TRIM28: variants seen among roughly 807,000 people sequenced by gnomAD.
TRIM28 encodes tripartite motif containing 28.
TRIM28 carries 8 observed loss-of-function variants against 87.4 expected under a neutral mutation model. The ratio of observed to expected loss-of-function variants is 0.09; its 90% CI spans 0.05 to 0.17. TRIM28 has a LOEUF of 0.17. Ranked by LOEUF, TRIM28 falls within the 10% of genes least tolerant of loss-of-function variation. TRIM28 has a pLI of 1.00. For missense variants in TRIM28, 968 were observed against 1,131.8 expected (o/e 0.86, Z 2.08); for synonymous variants, 601 against 454.3 (o/e 1.32, Z -4.11).
At position 58,550,068 on chromosome 19, in the gene TRIM28, G is replaced by C. The variant is rs772274576; in HGVS notation, c.2193+33G>C. The C allele has an allele frequency of 1.9e-5, 31 of 1,613,644 alleles. No individual in the cohort carries two copies. The South Asian group carries it at 2.2e-4, about 11-fold the overall frequency. On this transcript the variant is annotated intron_variant, in intron 15 of 16. Transcript: ENST00000253024. ...CTAGGATGGGAAAGGGGAAGGGGGTGGTGGCTGCTGGGTCTCGCCCTCAAC... is the reference window on the plus strand; with the variant it reads ...CTAGGATGGGAAAGGGGAAGGGGGTCGTGGCTGCTGGGTCTCGCCCTCAAC...
In TRIM28 at chr19:58,545,197, G is replaced by A. The variant is rs185180990; in HGVS notation, c.340+100G>A. The A allele has an allele frequency of 3.6e-4, 416 of 1,144,082 alleles. 1 individual carries two copies. In the African/African-American group the frequency reaches 5.7e-3, roughly 16 times the overall value. The allele number at this position is 1,144,082 out of a possible 1,614,324, so 70.9% of individuals were successfully genotyped here. On this transcript the variant is annotated intron_variant, in intron 1 of 16. Transcript: ENST00000253024. ...ATGCCACCTGGGCGAGAGGATGGGG[G>A]CCCGGACAGGGCACGGGAAATACTT...
chr19:58,545,736 C>T (rs775830304), intron 2 of TRIM28, 28 bp from the exon 3 acceptor site: 112 of 1,588,382 alleles, frequency 7.1e-5, no homozygotes, highest in Admixed American at 2.9e-4. Context: ...GTTGTCTTGC[C>T]TTCTCTGACC....
rs1410662431 is a variant in TRIM28 at position 58,550,165 on chromosome 19, C to G, written c.2212C>G (p.Leu738Val). Reference sequence around the variant, plus strand: ...CCTGCAGGACCAGCCCGGTGGCACCCTGGATCTGACCCTGATCCGTGCCCG... The same window carrying G: ...CCTGCAGGACCAGCCCGGTGGCACCGTGGATCTGACCCTGATCCGTGCCCG... ...TFSLDQPGGT[L>V]DLTLIRARLQ... Residue 738 changes from leucine (L) to valine (V), a missense_variant, in exon 16 of 17, where the codon CTG becomes GTG. Transcript: ENST00000253024. 1 of 1,613,978 alleles carries G rather than the reference C, an allele frequency of 6.2e-7. No individual in the cohort carries two copies. Among genetic ancestry groups the G allele is most frequent in the Admixed American group, 1.7e-5 (1 of 60,004 alleles).
At position 58,549,617 on chromosome 19, in the gene TRIM28, A is replaced by C; in HGVS notation, c.1949A>C (p.Asp650Ala). ...CNQCEFCFHL[D>A]CHLPALQDVP... ...CAGTGTGAGTTTTGTTTCCACCTGG[A>C]CTGTCACCTGCCGGCCCTGCAGGAT... Residue 650 changes from aspartate to alanine, a missense_variant, in exon 13 of 17, where the codon GAC (aspartate) becomes GCC (alanine). Around this residue, in one of 11 missense-constraint regions of TRIM28, gnomAD observed 18 missense variants for 40.9 expected, o/e 0.44. Transcript: ENST00000253024. This position sits in a 1 kb window ranked among gnomAD's most constrained non-coding sequence, Gnocchi z 4.4. 6.2e-7 allele frequency: 1 copy of C among 1,613,600 alleles called. No homozygotes were observed. Among genetic ancestry groups the C allele is most frequent in the Non-Finnish European group, 8.5e-7 (1 of 1,179,614 alleles).
chr19:58,550,048 A>T lies in TRIM28; in HGVS notation c.2193+13A>T. On this transcript the variant is annotated intron_variant, in intron 15 of 16. Coordinates refer to ENST00000253024, the MANE Select transcript of TRIM28 (RefSeq NM_005762.3). ...CACCTTCTCCCTGGTGAGTCCTAGG[A>T]TGGGAAAGGGGAAGGGGGTGGTGGC... 1.2e-6 allele frequency: 2 copies of T among 1,613,778 alleles called. No individual in the cohort carries two copies. The highest frequency in any genetic ancestry group is 1.7e-6 in the Non-Finnish European group (2 of 1,179,926).
In TRIM28 at chr19:58,545,788, G is replaced by T. The variant is rs746744955; in HGVS notation, c.478G>T (p.Ala160Ser). Residue 160 changes from alanine (A) to serine (S), a missense_variant, in exon 3 of 17, where the codon GCC becomes TCC. Physicochemically the swap from Ala to Ser is moderately conservative, Grantham distance 99. Transcript: ENST00000253024. ...GTGCTGCACTAGCTGTGAGGATAAT[G>T]CCCCAGCCACCAGCTACTGTGTGGA... Reference protein sequence around the residue: ...NQCCTSCEDNAPATSYCVECS... With the variant: ...NQCCTSCEDNSPATSYCVECS... 6.2e-7 allele frequency: 1 copy of T among 1,611,476 alleles called. No homozygotes were observed. Among genetic ancestry groups the T allele is most frequent in the Non-Finnish European group, 8.5e-7 (1 of 1,178,720 alleles).
intron 1 of TRIM28, 163 bp from the exon 2 acceptor site, chr19:58,545,262 T>A: frequency 1.1e-6 from 1 of 883,862 alleles, no homozygotes; most frequent in Non-Finnish European, 1.7e-6. Flanking sequence ...TGCTGGCCGC[T>A]GAGATGGGAC....
At position 58,544,967 on chromosome 19, in the gene TRIM28, G is replaced by C. The variant is rs1259353220; in HGVS notation, c.210G>C (p.Glu70Asp). 6.6e-7 allele frequency: 1 copy of C among 1,512,858 alleles called. No individual in the cohort carries two copies. The highest frequency in any genetic ancestry group is 8.8e-7 in the Non-Finnish European group (1 of 1,140,094). The allele number at this position is 1,512,858 out of a possible 1,614,324, so 93.7% of individuals were successfully genotyped here. The part of the protein sequence containing the change: ...ELLEHCGVCR[E>D]RLRPEREPRL... ...TGGAGCACTGCGGCGTGTGCAGAGA[G>C]CGCCTGCGACCCGAGAGGGAGCCCC... Residue 70 changes from glutamate to aspartate, a missense_variant, in exon 1 of 17, where the codon GAG becomes GAC. Physicochemically the swap from Glu to Asp is conservative, Grantham distance 45. This residue lies in a region of TRIM28 where 208 missense variants were observed against 170.9 expected (regional missense o/e 1.22). Transcript: ENST00000253024.
chr19:58,549,881 G>C lies in TRIM28; in HGVS notation c.2106+21G>C. On this transcript the variant is annotated intron_variant, in intron 14 of 16. Transcript: ENST00000253024. This position sits in a 1 kb window ranked among gnomAD's most constrained non-coding sequence, Gnocchi z 4.4. ...AGCGGGTGAGGGCTGGGGTTACTTA[G>C]GTGGGGTTGCCCAGAGAGGCTTTAT... 1.2e-6 allele frequency: 2 copies of C among 1,613,468 alleles called. No individual in the cohort carries two copies. The highest frequency in any genetic ancestry group is 1.7e-6 in the Non-Finnish European group (2 of 1,179,416).
chr19:58,549,825 G>C lies in TRIM28; in HGVS notation c.2071G>C (p.Gly691Arg). 3 of 1,612,748 alleles carry C rather than the reference G, an allele frequency of 1.9e-6. No individual in the cohort carries two copies. Among genetic ancestry groups the C allele is most frequent in the Non-Finnish European group, 2.5e-6 (3 of 1,178,848 alleles). ...CAGCCTGGATGGTGCAGACAGCACT[G>C]GCGTGGTGGCCAAGCTCTCACCAGC... ...SLSLDGADST[G>R]VVAKLSPANQ... Residue 691 changes from glycine to arginine, a missense_variant, in exon 14 of 17, where the codon GGC becomes CGC. Around this residue, in one of 11 missense-constraint regions of TRIM28, gnomAD observed 192 missense variants for 225.6 expected, o/e 0.85. Coordinates refer to ENST00000253024, the MANE Select transcript of TRIM28 (RefSeq NM_005762.3). This position sits in a 1 kb window ranked among gnomAD's most constrained non-coding sequence, Gnocchi z 4.4.
chr19:58,547,900 T>A lies in TRIM28; in HGVS notation c.948T>A (p.Asp316Glu), dbSNP rs765684894. 1 of 1,614,168 alleles carries A rather than the reference T, an allele frequency of 6.2e-7. No homozygotes were observed. Among genetic ancestry groups the A allele is most frequent in the Non-Finnish European group, 8.5e-7 (1 of 1,180,030 alleles). The change falls in exon 6 of 17, where the codon GAT (aspartate) becomes GAA (glutamate). Residue 316 changes from aspartate (D) to glutamate (E), a missense_variant. Around this residue, in one of 11 missense-constraint regions of TRIM28, gnomAD observed 84 missense variants for 139.9 expected, o/e 0.60. Coordinates refer to ENST00000253024, the MANE Select transcript of TRIM28 (RefSeq NM_005762.3). ...LNKRGRVLVNDAQKVTEGQQE... is the reference protein window; with the variant it reads ...LNKRGRVLVNEAQKVTEGQQE... ...AGCGGGGCCGTGTGCTGGTCAATGA[T>A]GCCCAGGTAAGCCTTGTGCCGGTGA...
intron 2 of TRIM28, 40 bp from the exon 3 acceptor site, chr19:58,545,724 A>C (rs746644612): frequency 1.3e-6 from 2 of 1,586,156 alleles, no homozygotes; most frequent in Non-Finnish European, 1.7e-6. Flanking sequence ...TGGATCTATC[A>C]AGTTGTCTTG....
At chr19:58,547,934 C>T (rs747747399) in intron 6 of TRIM28, 28 bp downstream of exon 6, 49 of 1,613,562 alleles carry the variant, frequency 3.0e-5, no homozygotes, top group Non-Finnish European at 3.8e-5. Context: ...GAGAAGGGTC[C>T]CTGAGCCCCC....
Position 58,544,845 on chromosome 19 carries a change from GA to G in TRIM28, c.92del (p.Lys31SerfsTer62), listed in dbSNP as rs1406951178. On this transcript the variant is annotated frameshift_variant, in exon 1 of 17. Transcript: ENST00000253024. LOFTEE classifies it high-confidence loss of function. ...CCCGGGCGAGGGCTCCGCTGGCGGCGAAAAGCGCTCCACCGCCCCTTCGGCC... is the reference window on the plus strand; with the variant it reads ...CCCGGGCGAGGGCTCCGCTGGCGGCGAAAGCGCTCCACCGCCCCTTCGGCC... ...PGPGEGSAGG[E>X]KRSTAPSAAA... The G allele has an allele frequency of 3.9e-6, 5 of 1,285,350 alleles. No individual in the cohort carries two copies. Among genetic ancestry groups the G allele is most frequent in the Admixed American group, 7.7e-5 (2 of 25,822 alleles). The allele number at this position is 1,285,350 out of a possible 1,614,324, so 79.6% of individuals were successfully genotyped here. A position where few individuals can be genotyped will look rare whatever the true frequency, so the allele number is the denominator to read the frequency against.
At position 58,544,109 on chromosome 19, in the gene TRIM28, G is replaced by C. The variant is rs2053735383; in HGVS notation, c.-649G>C. ...CGACTCTACGGCGGCGAAGAGACGC[G>C]GGTTGAGGAAGAGGGACGGATTGCC... On this transcript the variant is annotated 5_prime_UTR_variant, in exon 1 of 17. Transcript: ENST00000253024. 1 of 152,402 alleles carries C rather than the reference G, an allele frequency of 6.6e-6. No homozygotes were observed. The highest frequency in any genetic ancestry group is 6.5e-5 in the Admixed American group (1 of 15,290). 9.4% of individuals were successfully genotyped at this position (152,402 alleles called of 1,614,324 possible).
rs1284586701 is a variant in TRIM28 at position 58,544,947 on chromosome 19, C to T, written c.190C>T (p.His64Tyr). 4.0e-6 allele frequency: 6 copies of T among 1,486,458 alleles called. No individual in the cohort carries two copies. Among genetic ancestry groups the T allele is most frequent in the East Asian group, 2.8e-5 (1 of 35,640 alleles). 92.1% of individuals were successfully genotyped at this position (1,486,458 alleles called of 1,614,324 possible). Residue 64 changes from histidine to tyrosine, a missense_variant, in exon 1 of 17, where the codon CAC becomes TAC. Physicochemically the swap from His to Tyr is moderately conservative, Grantham distance 83 (BLOSUM62 2). Transcript: ENST00000253024. ...CGCCGAGGCGCTGGAGCTGCTGGAGCACTGCGGCGTGTGCAGAGAGCGCCT... is the reference window on the plus strand; with the variant it reads ...CGCCGAGGCGCTGGAGCTGCTGGAGTACTGCGGCGTGTGCAGAGAGCGCCT... ...GGAEALELLE[H>Y]CGVCRERLRP...
At chr19:58,545,931 C>T (rs750086950) in intron 3 of TRIM28, 35 bp downstream of exon 3, 3 of 1,570,306 alleles carry the variant, frequency 1.9e-6, no homozygotes, top group South Asian at 1.1e-5. Context: ...TGGAGTTGTT[C>T]TCCCATGTGT....
rs1316644853 is a variant in TRIM28 at position 58,545,040 on chromosome 19, G to A, written c.283G>A (p.Ala95Thr). Residue 95 changes from alanine to threonine, a missense_variant, in exon 1 of 17, where the codon GCG (alanine) becomes ACG (threonine). Ala to Thr is a moderately conservative substitution (Grantham distance 58). This residue lies in a region of TRIM28 where 208 missense variants were observed against 170.9 expected (regional missense o/e 1.22). Transcript: ENST00000253024. ...HSACSACLGP[A>T]APAAANSSGD... ...GGCCTGTAGTGCCTGCTTAGGGCCC[G>A]CGGCCCCCGCCGCCGCCAACAGCTC... 3 of 1,465,778 alleles carry A rather than the reference G, an allele frequency of 2.0e-6. No homozygotes were observed. Among genetic ancestry groups the A allele is most frequent in the East Asian group, 2.7e-5 (1 of 37,524 alleles). 90.8% of individuals were successfully genotyped at this position (1,465,778 alleles called of 1,614,324 possible).
rs752940927 is a variant in TRIM28, at chr19:58,545,501, C to T, written c.417C>T (p.Gly139=). 1.9e-6 allele frequency: 3 copies of T among 1,612,184 alleles called. No individual in the cohort carries two copies. The highest frequency in any genetic ancestry group is 1.6e-4 in the Middle Eastern group (1 of 6,068). The part of the protein sequence containing the change: ...IVENYFMRDS[G]SKAATDAQDA... ...AGAATTATTTCATGCGTGATAGTGG[C>T]AGCAAGGCTGCCACCGACGCCCAGG... Residue 139 remains glycine (G), a synonymous_variant, in exon 2 of 17, where the codon GGC becomes GGT. Coordinates refer to ENST00000253024, the MANE Select transcript of TRIM28 (RefSeq NM_005762.3).
Sources: gnomAD v4.1 joint callset for allele counts on GRCh38, gnomAD v4.1.1 for gene constraint, gnomAD v4.1.1 regional missense constraint, Gnocchi (gnomAD v3.1) non-coding constraint, MANE v1.5 for transcripts, NCBI Gene and HGNC (gene_info 2026-07-23, HGNC 2026-07-21) for gene names.